The following PHACTR1 variants were observed in gnomAD, a reference collection of about 807,000 sequenced individuals.
The protein encoded by PHACTR1 is phosphatase and actin regulator 1, also known as RPEL repeat containing 1.
In PHACTR1, 16 loss-of-function variants were observed where a neutral mutation model predicts 69.2. The observed-to-expected ratio is 0.23, with a 90% CI of 0.16 to 0.35. The LOEUF (loss-of-function observed/expected upper bound fraction) is 0.35, where lower values mean the gene tolerates loss of function less well. Ranked by LOEUF, PHACTR1 falls within the 10% of genes least tolerant of loss-of-function variation. PHACTR1 has a pLI of 1.00. For missense variants in PHACTR1, 510 were observed against 734.7 expected, an observed-to-expected ratio of 0.69 and a Z score of 3.54; for synonymous variants, 312 against 284.5, an observed-to-expected ratio of 1.10 and a Z score of -0.97.
At chr6:13,101,525 C>T (rs1243123041) in intron 5 of PHACTR1, among the ~76,000 whole-genome samples, 2 of 152,146 alleles carry the variant, frequency 1.3e-5, no homozygotes, top group Admixed American at 6.5e-5. Context: ...ACGTGATTTC[C>T]GTCTACCACT....
At chr6:12,894,753 C>T (rs1249012639) in intron 4 of PHACTR1, among the ~76,000 whole-genome samples, 1 of 152,038 alleles carries the variant, frequency 6.6e-6, no homozygotes, top group African/African-American at 2.4e-5. Flanking sequence ...GAAATGGAAT[C>T]GAATGTCTAT....
intron 4 of PHACTR1, among the ~76,000 whole-genome samples, chr6:12,840,630 G>A (rs1374116312): frequency 6.6e-6 from 1 of 152,148 alleles, no homozygotes; most frequent in Non-Finnish European, 1.5e-5. Context: ...TTATGATGCA[G>A]CACTCAGTAA....
At chr6:13,077,370 G>A (rs1426073392) in intron 5 of PHACTR1, among the ~76,000 whole-genome samples, 1 of 152,148 alleles carries the variant, frequency 6.6e-6, no homozygotes, top group East Asian at 1.9e-4. Flanking sequence ...GTACTCCAGG[G>A]CCTGCACACC....
At chr6:13,129,214 A>C (rs1218899363) in intron 5 of PHACTR1, among the ~76,000 whole-genome samples, 1 of 152,172 alleles carries the variant, frequency 6.6e-6, no homozygotes, top group African/African-American at 2.4e-5. Flanking sequence ...TAAAGCACAA[A>C]TCTCATAGGG....
chr6:12,977,215 G>A (rs1276985718), intron 4 of PHACTR1, among the ~76,000 whole-genome samples: 10 of 152,174 alleles, frequency 6.6e-5, no homozygotes. Flanking sequence ...GCCTTCCAAA[G>A]TTCTAGGATT....
intron 4 of PHACTR1, among the ~76,000 whole-genome samples, chr6:12,983,188 CA>C (rs1795725713): frequency 6.6e-6 from 1 of 152,088 alleles, no homozygotes; most frequent in East Asian, 1.9e-4. Flanking sequence ...ACTGAAAATA[CA>C]AAAAGAAAGC....
intron 12 of PHACTR1, chr6:13,280,751 G>C: frequency 2.9e-6 from 1 of 347,148 alleles, no homozygotes; most frequent in East Asian, 7.9e-5. Context: ...AGGCGCAGTG[G>C]CTCACGCCTG....
At chr6:13,189,451 T>G (rs1301141799) in intron 7 of PHACTR1, among the ~76,000 whole-genome samples, 1 of 151,490 alleles carries the variant, frequency 6.6e-6, no homozygotes, top group Non-Finnish European at 1.5e-5. Flanking sequence ...CAGGCTAGAG[T>G]GCAGTAGCAC....
Position 13,162,275 on chromosome 6 carries a change from TTTTG to T in PHACTR1, c.496+2015_496+2018del, listed in dbSNP as rs144466160. 4.1e-3 allele frequency among the ~76,000 whole-genome samples: 621 copies of T among 149,838 alleles called. 4 individuals carry two copies. Among genetic ancestry groups the T allele is most frequent in the Non-Finnish European group, 1.9e-3 (125 of 67,390 alleles). On this transcript the variant is annotated intron_variant, in intron 6 of 14. Transcript: ENST00000332995. ...CCACCATGCACGGCTACTTTTGTTT[TTTTG>T]TTTGTTTGTTTGTTTGTTTGTTTTT...
intron 4 of PHACTR1, among the ~76,000 whole-genome samples, chr6:12,969,466 A>T (rs1178769432): frequency 2.0e-5 from 3 of 152,154 alleles, no homozygotes; most frequent in South Asian, 2.1e-4. Flanking sequence ...CCTAGGCCTG[A>T]TATGGTGACT....
intron 5 of PHACTR1, among the ~76,000 whole-genome samples, chr6:13,136,082 C>T (rs1382066832): frequency 1.3e-5 from 2 of 152,086 alleles, no homozygotes; most frequent in African/African-American, 2.4e-5. Context: ...TATTATTATA[C>T]CATTCTTCCA....
chr6:13,140,930 C>G (rs1822340387), intron 5 of PHACTR1, among the ~76,000 whole-genome samples: 1 of 152,188 alleles, frequency 6.6e-6, no homozygotes, highest in Admixed American at 6.5e-5. Flanking sequence ...ATCTATTTAG[C>G]TCTGTCAAGT....
chr6:12,945,847 C>T (rs1224192060), intron 4 of PHACTR1, among the ~76,000 whole-genome samples: 2 of 151,874 alleles, frequency 1.3e-5, no homozygotes, highest in Non-Finnish European at 2.9e-5. Flanking sequence ...GCCTGGAGTC[C>T]CAGCTACTCA....
At chr6:12,791,646 T>C (rs4714868) in intron 4 of PHACTR1, among the ~76,000 whole-genome samples, 67,218 of 152,108 alleles carry the variant, frequency 0.44, 15,645 homozygotes, top group African/African-American at 0.55. Flanking sequence ...CGACTCACCT[T>C]TGAAAAGGAT....
At chr6:13,100,129 C>T (rs183586941) in intron 5 of PHACTR1, among the ~76,000 whole-genome samples, 202 of 152,232 alleles carry the variant, frequency 1.3e-3, no homozygotes, top group African/African-American at 4.5e-3. Flanking sequence ...GCTGATGCCC[C>T]TACATCAATC....
chr6:12,738,381 C>T (rs1414724797), intron 3 of PHACTR1, among the ~76,000 whole-genome samples: 1 of 152,146 alleles, frequency 6.6e-6, no homozygotes, highest in African/African-American at 2.4e-5. Flanking sequence ...TAGTTTGAAA[C>T]TAGTAAGTGT....
intron 5 of PHACTR1, among the ~76,000 whole-genome samples, chr6:13,077,174 C>CAAA (rs199687356): frequency 2.7e-5 from 2 of 74,730 alleles, no homozygotes; most frequent in East Asian, 3.2e-4. Context: ...ATGATGCAAG[C>CAAA]AAAAAAAAAA....
intron 4 of PHACTR1, among the ~76,000 whole-genome samples, chr6:12,850,035 T>C (rs1582081341): frequency 6.6e-6 from 1 of 152,210 alleles, no homozygotes; most frequent in African/African-American, 2.4e-5. Context: ...TGAGATCTTA[T>C]AGGATTTCTT....
At chr6:12,784,952 G>A (rs557503742) in intron 4 of PHACTR1, among the ~76,000 whole-genome samples, 17 of 151,244 alleles carry the variant, frequency 1.1e-4, no homozygotes, top group Admixed American at 2.0e-4. Context: ...CAGATGATCC[G>A]CCCACCTCAG....
Sources: gnomAD v4.1 joint callset for allele counts (sites outside exome capture counted in the v4.1 genomes callset) on GRCh38, gnomAD v4.1.1 for gene constraint, MANE v1.5 for transcripts, NCBI Gene and HGNC (gene_info 2026-07-23, HGNC 2026-07-21) for gene names.